Variants in SMC4 observed in about 807,000 individuals in gnomAD.
SMC4 encodes the protein structural maintenance of chromosomes protein 4.
A neutral mutation model predicts 145.6 loss-of-function variants in SMC4; 87 were observed. The observed-to-expected ratio is 0.60, with a 90% confidence interval of 0.50 to 0.71. The LOEUF (loss-of-function observed/expected upper bound fraction) is 0.71. Ranked by LOEUF, SMC4 falls within the 30% of genes least tolerant of loss-of-function variation. The pLI is 0.00. For missense variants in SMC4, 1,447 were observed against 1,537.1 expected (o/e 0.94, Z 0.98); for synonymous variants, 558 against 500.7 (o/e 1.11, Z -1.53).
chr3:160,433,358 A>G (rs1370548836), intron 23 of SMC4, 149 bp downstream of exon 23: 1 of 568,110 alleles, frequency 1.8e-6, no homozygotes, highest in Non-Finnish European at 3.0e-6. Flanking sequence ...TGGAGACCAA[A>G]TTATTTTTTA....
chr3:160,427,491 T>C (rs1050477046), intron 17 of SMC4, among the ~76,000 whole-genome samples: 2 of 152,204 alleles, frequency 1.3e-5, no homozygotes, highest in African/African-American at 2.4e-5. Context: ...TGATGGTCAA[T>C]TGAGAAGCCA....
At chr3:160,430,912 CTTAAA>C (rs1718334230) in intron 19 of SMC4, 115 bp from the exon 20 acceptor site, 2 of 1,258,628 alleles carry the variant, frequency 1.6e-6, no homozygotes, top group East Asian at 5.0e-5. Context: ...AATTTAAATG[CTTAAA>C]TTATTTTAAA....
Position 160,425,022 on chromosome 3 carries a change from ATGTGTG to A in SMC4, c.2478+29_2478+34del, listed in dbSNP as rs66870368. The A allele has an allele frequency of 3.2e-4, 470 of 1,468,940 alleles. No individual in the cohort carries two copies. Among genetic ancestry groups the A allele is most frequent in the African/African-American group, 3.2e-3 (218 of 68,248 alleles). 91.0% of individuals were successfully genotyped at this position (1,468,940 alleles called of 1,614,324 possible). ...AAAAATTTACTGCAAGCATCCAGGTATGTGTGTGTGTGTGTGTGTGTGTGTGTGTGT... is the reference window on the plus strand; with the variant it reads ...AAAAATTTACTGCAAGCATCCAGGTATGTGTGTGTGTGTGTGTGTGTGTGT... On this transcript the variant is annotated splice_donor_5th_base_variant and intron_variant, in intron 16 of 23. Coordinates refer to ENST00000357388, the MANE Select transcript of SMC4 (RefSeq NM_001002800.3).
chr3:160,433,575 G>A (rs759100044), intron 23 of SMC4, 82 bp from the exon 24 acceptor site: 7 of 811,750 alleles, frequency 8.6e-6, no homozygotes, highest in Admixed American at 5.7e-5. Context: ...AATGTTTATT[G>A]TCCAAAAAAT....
intron 5 of SMC4, among the ~76,000 whole-genome samples, chr3:160,410,932 G>C (rs1715927011): frequency 6.6e-6 from 1 of 152,060 alleles, no homozygotes; most frequent in Non-Finnish European, 1.5e-5. Flanking sequence ...GAAAATAAGA[G>C]GTATATCTTT....
At chr3:160,423,969 A>G (rs1717487554) in intron 15 of SMC4, 129 bp downstream of exon 15, 4 of 556,864 alleles carry the variant, frequency 7.2e-6, no homozygotes, top group East Asian at 3.0e-5. Context: ...GGCGTTTTCT[A>G]TAAATGACTA....
chr3:160,422,082 A>G (rs1717245815), intron 13 of SMC4, among the ~76,000 whole-genome samples: 1 of 152,156 alleles, frequency 6.6e-6, no homozygotes, highest in South Asian at 2.1e-4. Context: ...CTGTTACATC[A>G]TTTTGTATAA....
At position 160,434,015 on chromosome 3, in the gene SMC4, A is replaced by C; in HGVS notation, c.*206A>C. 2 of 396,990 alleles carry C rather than the reference A, an allele frequency of 5.0e-6. No individual in the cohort carries two copies. Among genetic ancestry groups the C allele is most frequent in the Non-Finnish European group, 8.9e-6 (2 of 224,244 alleles). The allele number at this position is 396,990 out of a possible 1,614,324, so 24.6% of individuals were successfully genotyped here. On this transcript the variant is annotated 3_prime_UTR_variant, in exon 24 of 24. Coordinates refer to ENST00000357388, the MANE Select transcript of SMC4 (RefSeq NM_001002800.3). Reference sequence around the variant, plus strand: ...ACAAAAATATGACAATCTTGTAAGTAGCAGACTATGGAGAAAAATGAGTTA... The same window carrying C: ...ACAAAAATATGACAATCTTGTAAGTCGCAGACTATGGAGAAAAATGAGTTA...
intron 10 of SMC4, 36 bp from the exon 11 acceptor site, chr3:160,417,687 T>C (rs1452370118): frequency 1.3e-6 from 2 of 1,486,204 alleles, no homozygotes; most frequent in East Asian, 2.3e-5. Context: ...TGAAAGTAAA[T>C]ATCTGTCCAG....
At chr3:160,404,100 G>T in intron 4 of SMC4, 1 of 437,644 alleles carries the variant, frequency 2.3e-6, no homozygotes, top group Non-Finnish European at 4.0e-6. Flanking sequence ...TGGTTGGTTT[G>T]GCTTCTTGAT....
chr3:160,428,603 C>T, intron 17 of SMC4, 150 bp from the exon 18 acceptor site: 2 of 613,982 alleles, frequency 3.3e-6, no homozygotes, highest in South Asian at 2.3e-5. Flanking sequence ...TACAGGATAT[C>T]GTTTTTTTTT....
rs1175457693 is a variant in SMC4 at position 160,400,838 on chromosome 3, A to T, written c.12A>T (p.Lys4Asn). The T allele has an allele frequency of 6.5e-7, 1 of 1,537,808 alleles. No individual in the cohort carries two copies. Among genetic ancestry groups the T allele is most frequent in the Admixed American group, 1.8e-5 (1 of 54,102 alleles). ...CGGCCCCAGCGACCATGCCCCGTAA[A>T]GGCACCCAGCCCTCCACTGCCCGGC... MPR[K>N]GTQPSTARRR... Residue 4 changes from lysine (K) to asparagine (N), a missense_variant, in exon 2 of 24, where the codon AAA becomes AAT. Lys to Asn is a moderately conservative substitution (Grantham distance 94, BLOSUM62 0). Coordinates refer to ENST00000357388, the MANE Select transcript of SMC4 (RefSeq NM_001002800.3).
At chr3:160,417,250 G>A (rs928494986) in intron 10 of SMC4, among the ~76,000 whole-genome samples, 1 of 152,154 alleles carries the variant, frequency 6.6e-6, no homozygotes, top group Admixed American at 6.5e-5. Context: ...GTGATGAAGT[G>A]TCACTTAATA....
chr3:160,413,142 ATTTTTTC>A (rs1716200666), intron 7 of SMC4, among the ~76,000 whole-genome samples: 1 of 151,268 alleles, frequency 6.6e-6, no homozygotes. Flanking sequence ...TTTTGTTTTT[ATTTTTTC>A]TTTTTTCTTT....
chr3:160,416,648 C>T, intron 10 of SMC4: 1 of 276,620 alleles, frequency 3.6e-6, no homozygotes, highest in East Asian at 6.0e-5. Context: ...GGTGTGATGT[C>T]AAATACAGTA....
rs571224255 is a variant in SMC4, at chr3:160,401,137, G to A, written c.139+172G>A. Among the ~76,000 whole-genome samples, 26 of 152,208 alleles carry A rather than the reference G, an allele frequency of 1.7e-4. 1 individual carries two copies. Among genetic ancestry groups the A allele is most frequent in the East Asian group, 9.7e-4 (5 of 5,158 alleles). On this transcript the variant is annotated intron_variant, in intron 2 of 23. Coordinates refer to ENST00000357388, the MANE Select transcript of SMC4 (RefSeq NM_001002800.3). ...TTGGCAACTTTGAGATAGGATTCCC[G>A]TGCAATTTTGGTGTAACGGCGCTGG...
Position 160,424,882 on chromosome 3 carries a change from T to C in SMC4, c.2341T>C (p.Ser781Pro). ...ISEEEVNKME[S>P]QLQNDSKKAM... is the part of the protein sequence containing the mutation. ...TTCTTTGTAGGTAAACAAAATGGAA[T>C]CACAGTTGCAAAACGACTCTAAAAA... Residue 781 changes from serine (S) to proline (P), a missense_variant, in exon 16 of 24, where the codon TCA becomes CCA. Ser to Pro is a moderately conservative substitution (Grantham distance 74, BLOSUM62 -1). Transcript: ENST00000357388. The C allele has an allele frequency of 6.2e-7, 1 of 1,613,810 alleles. No individual in the cohort carries two copies. Among genetic ancestry groups the C allele is most frequent in the Non-Finnish European group, 8.5e-7 (1 of 1,179,948 alleles).
intron 7 of SMC4, 117 bp from the exon 8 acceptor site, chr3:160,413,356 A>T: frequency 1.0e-6 from 1 of 986,700 alleles, no homozygotes; most frequent in Non-Finnish European, 1.5e-6. Flanking sequence ...CTAGGCAGTC[A>T]TATATTGACT....
Position 160,433,643 on chromosome 3 carries a change from T to G in SMC4, c.3715-14T>G, listed in dbSNP as rs749091060. On this transcript the variant is annotated splice_polypyrimidine_tract_variant and intron_variant, in intron 23 of 23. Transcript: ENST00000357388. The stretch of plus-strand genomic sequence containing the variant: ...TTATTACTTAATGTTTGACTTTTCT[T>G]TGTTTCTCTTTAGGAACAAACAAAA... 1 of 1,483,672 alleles carries G rather than the reference T, an allele frequency of 6.7e-7. No individual in the cohort carries two copies. The highest frequency in any genetic ancestry group is 2.3e-5 in the East Asian group (1 of 42,812). 91.9% of individuals were successfully genotyped at this position (1,483,672 alleles called of 1,614,324 possible).
Sources: gnomAD v4.1 joint callset for allele counts (sites outside exome capture counted in the v4.1 genomes callset) on GRCh38, gnomAD v4.1.1 for gene constraint, MANE v1.5 for transcripts, NCBI Gene and HGNC (gene_info 2026-07-23, HGNC 2026-07-21) for gene names.